ADAM22: variants seen among roughly 807,000 people sequenced by gnomAD.
ADAM22 encodes the protein disintegrin and metalloproteinase domain-containing protein 22.
A neutral mutation model predicts 144.6 loss-of-function variants in ADAM22; 65 were observed. The ratio of observed to expected loss-of-function variants is 0.45; its 90% CI spans 0.37 to 0.55. The LOEUF (loss-of-function observed/expected upper bound fraction) is 0.55, where lower values mean the gene tolerates loss of function less well. Among genes scored for constraint, ADAM22 ranks in the 20% least tolerant of loss-of-function variants. The pLI is 0.00. For synonymous variants in ADAM22, 391 were observed against 412.6 expected, an observed-to-expected ratio of 0.95 and a Z score of 0.63; for missense variants, 974 against 1,184.9, an observed-to-expected ratio of 0.82 and a Z score of 2.61.
chr7:88,099,994 A>G (rs538166226), intron 4 of ADAM22, among the ~76,000 whole-genome samples: 20 of 152,318 alleles, frequency 1.3e-4, no homozygotes, highest in African/African-American at 4.8e-4. Context: ...GAAAAAATTA[A>G]AGGAAAAACT....
intron 4 of ADAM22, among the ~76,000 whole-genome samples, chr7:88,081,668 A>G (rs1184861372): frequency 2.3e-5 from 3 of 129,800 alleles, no homozygotes; most frequent in Non-Finnish European, 4.8e-5. Flanking sequence ...TCAATGTCCA[A>G]AAATCACAAG....
At position 88,102,718 on chromosome 7, in the gene ADAM22, G is replaced by T. The variant is rs188015948; in HGVS notation, c.391-5458G>T. On this transcript the variant is annotated intron_variant, in intron 4 of 31. Coordinates refer to ENST00000413139, the MANE Select transcript of ADAM22 (RefSeq NM_001324418.2). The stretch of plus-strand genomic sequence containing the variant: ...TATCTGCATTATAAATTGATGTCTT[G>T]AATTGTTATTCTTAACAAAGTTTGA... 5.9e-5 allele frequency among the ~76,000 whole-genome samples: 9 copies of T among 152,292 alleles called. No individual in the cohort carries two copies. The East Asian group carries it at 1.7e-3, about 29-fold the overall frequency.
intron 31 of ADAM22, among the ~76,000 whole-genome samples, chr7:88,196,032 T>C (rs1450942508): frequency 1.3e-5 from 2 of 152,076 alleles, no homozygotes; most frequent in Admixed American, 1.3e-4. Flanking sequence ...GTGTGGTGCC[T>C]GGGAAGTGGA....
intron 3 of ADAM22, among the ~76,000 whole-genome samples, chr7:88,052,240 G>A (rs1174590933): frequency 1.3e-5 from 2 of 151,604 alleles, no homozygotes; most frequent in Non-Finnish European, 2.9e-5. Context: ...GCTCACGCCT[G>A]TAATCCCAGC....
At chr7:87,958,415 C>T (rs1269979342) in intron 2 of ADAM22, among the ~76,000 whole-genome samples, 3 of 149,966 alleles carry the variant, frequency 2.0e-5, no homozygotes, top group African/African-American at 7.4e-5. Flanking sequence ...GATGGAGTTT[C>T]GCTCTTGTTT....
At chr7:87,967,807 C>CAAAA (rs35787636) in intron 2 of ADAM22, among the ~76,000 whole-genome samples, 1,969 of 60,750 alleles carry the variant, frequency 0.032, 342 homozygotes, top group African/African-American at 0.1. Context: ...GACTCTGTCT[C>CAAAA]AAAAAAAAAA....
At chr7:88,148,880 T>A in intron 17 of ADAM22, 97 bp from the exon 18 acceptor site, 1 of 951,562 alleles carries the variant, frequency 1.1e-6, no homozygotes, top group South Asian at 1.6e-5. Context: ...TTTAAGGTAT[T>A]TCTAGCCAAA....
intron 3 of ADAM22, among the ~76,000 whole-genome samples, chr7:87,983,441 A>G (rs924779170): frequency 5.9e-5 from 9 of 151,872 alleles, no homozygotes; most frequent in Non-Finnish European, 8.8e-5. Context: ...TGGGTGTAAT[A>G]TTTTTCCATC....
At chr7:88,128,578 G>A (rs915573351) in intron 8 of ADAM22, 24 bp from the exon 9 acceptor site, 2 of 1,590,532 alleles carry the variant, frequency 1.3e-6, no homozygotes, top group Admixed American at 1.7e-5. Flanking sequence ...TGAATTAGGT[G>A]CTGTTTCCTT....
intron 3 of ADAM22, among the ~76,000 whole-genome samples, chr7:88,000,806 T>C (rs1792368320): frequency 6.6e-6 from 1 of 152,202 alleles, no homozygotes; most frequent in South Asian, 2.1e-4. Context: ...AATTCATATT[T>C]TTTTCAGCAG....
intron 3 of ADAM22, among the ~76,000 whole-genome samples, chr7:88,056,694 G>T (rs1254893813): frequency 6.6e-6 from 1 of 152,080 alleles, no homozygotes; most frequent in Non-Finnish European, 1.5e-5. Context: ...TCTTTTGCAT[G>T]TTTTCAGATG....
At chr7:87,996,093 G>A (rs992368265) in intron 3 of ADAM22, among the ~76,000 whole-genome samples, 2 of 152,130 alleles carry the variant, frequency 1.3e-5, no homozygotes, top group Non-Finnish European at 1.5e-5. Flanking sequence ...ATAGGGACAC[G>A]GCCGTGCACC....
chr7:87,969,579 G>A (rs1290082853), intron 2 of ADAM22, among the ~76,000 whole-genome samples: 2 of 152,152 alleles, frequency 1.3e-5, no homozygotes, highest in African/African-American at 4.8e-5. Context: ...AATTATTACA[G>A]CAAATCTACA....
chr7:88,035,113 G>C (rs892562586), intron 3 of ADAM22, among the ~76,000 whole-genome samples: 1 of 152,080 alleles, frequency 6.6e-6, no homozygotes, highest in Admixed American at 6.6e-5. Flanking sequence ...TCATTCTCTT[G>C]CTCCTTTATT....
At chr7:88,025,000 C>T (rs183278142) in intron 3 of ADAM22, among the ~76,000 whole-genome samples, 283 of 152,078 alleles carry the variant, frequency 1.9e-3, no homozygotes, top group African/African-American at 6.3e-3. Flanking sequence ...TGAATAGTGC[C>T]GCAATAAACA....
chr7:88,041,117 C>A (rs913734670), intron 3 of ADAM22, among the ~76,000 whole-genome samples: 2 of 152,036 alleles, frequency 1.3e-5, no homozygotes, highest in Non-Finnish European at 2.9e-5. Flanking sequence ...ACAAAGTCAG[C>A]TGATAAAGGA....
chr7:88,036,365 A>G (rs1489302340), intron 3 of ADAM22, among the ~76,000 whole-genome samples: 3 of 152,164 alleles, frequency 2.0e-5, no homozygotes, highest in Admixed American at 6.5e-5. Context: ...GAAAAATATA[A>G]TATCTTTCTT....
chr7:88,155,873 A>T lies in ADAM22; in HGVS notation c.1788-14A>T. 1 of 1,609,728 alleles carries T rather than the reference A, an allele frequency of 6.2e-7. No individual in the cohort carries two copies. The highest frequency in any genetic ancestry group is 8.5e-7 in the Non-Finnish European group (1 of 1,178,244). On this transcript the variant is annotated splice_polypyrimidine_tract_variant and intron_variant, in intron 21 of 31. Coordinates refer to ENST00000413139, the MANE Select transcript of ADAM22 (RefSeq NM_001324418.2). ...TATTTGGGAAAAGAAGTAATTGGTAATCTTTTGATACAGGGATGTGCTTTG... is the reference window on the plus strand; with the variant it reads ...TATTTGGGAAAAGAAGTAATTGGTATTCTTTTGATACAGGGATGTGCTTTG...
At chr7:88,114,457 G>T in intron 5 of ADAM22, 127 bp from the exon 6 acceptor site, 1 of 762,428 alleles carries the variant, frequency 1.3e-6, no homozygotes, top group Non-Finnish European at 2.3e-6. Flanking sequence ...GTCTGGAGGT[G>T]ATGGATGGGA....
Sources: allele counts gnomAD v4.1 joint callset (sites outside exome capture counted in the v4.1 genomes callset), GRCh38; gene constraint gnomAD v4.1.1; transcripts MANE v1.5; gene names NCBI Gene and HGNC (gene_info 2026-07-23, HGNC 2026-07-21).